The following KCNH8 variants were observed in gnomAD, a reference collection of about 807,000 sequenced individuals.
KCNH8 encodes potassium voltage-gated channel subfamily H member 8, also known as voltage-gated delayed rectifier potassium channel KCNH8.
In KCNH8, 70 loss-of-function variants were observed where a neutral mutation model predicts 103.6. That is an observed-to-expected ratio of 0.68 (90% CI 0.56 to 0.82). The LOEUF is 0.82. Among genes scored for constraint, KCNH8 ranks in the 40% least tolerant of loss-of-function variants. KCNH8 has a pLI of 0.00. For missense variants in KCNH8, 1,217 were observed against 1,329.9 expected (o/e 0.92, Z 1.32); for synonymous variants, 498 against 489.4 (o/e 1.02, Z -0.23).
At chr3:19,461,001 T>A (rs1475696279) in intron 11 of KCNH8, among the ~76,000 whole-genome samples, 2 of 152,202 alleles carry the variant, frequency 1.3e-5, no homozygotes, top group African/African-American at 4.8e-5. Context: ...TAATTAAACT[T>A]AATTCCTTTA....
intron 1 of KCNH8, among the ~76,000 whole-genome samples, chr3:19,229,262 C>T (rs1218778661): frequency 6.6e-6 from 1 of 152,174 alleles, no homozygotes; most frequent in Non-Finnish European, 1.5e-5. Flanking sequence ...TAGGTGGTGC[C>T]CCAGTAGGGA....
At chr3:19,346,530 A>T in intron 4 of KCNH8, 1 of 436,776 alleles carries the variant, frequency 2.3e-6, no homozygotes, top group Non-Finnish European at 4.6e-6. Context: ...GAAAATACCT[A>T]CCAAAGAGAA....
intron 2 of KCNH8, among the ~76,000 whole-genome samples, chr3:19,272,965 A>G (rs901645964): frequency 1.3e-5 from 2 of 152,210 alleles, no homozygotes; most frequent in Admixed American, 1.3e-4. Context: ...AGTTAACAAT[A>G]GTGCCTGCCA....
chr3:19,523,135 A>C (rs1171026383), intron 15 of KCNH8, among the ~76,000 whole-genome samples: 1 of 151,872 alleles, frequency 6.6e-6, no homozygotes, highest in African/African-American at 2.4e-5. Flanking sequence ...AGCATTTTAG[A>C]GACCAAGCTC....
chr3:19,298,258 ATTGAAGTCTGCCAGGT>A (rs373792681), intron 3 of KCNH8, among the ~76,000 whole-genome samples: 62 of 152,342 alleles, frequency 4.1e-4, no homozygotes, highest in East Asian at 2.9e-3. Flanking sequence ...ATGATCAATT[ATTGAAGTCTGCCAGGT>A]CACGGTGATG....
chr3:19,521,233 T>G (rs902266114), intron 15 of KCNH8, among the ~76,000 whole-genome samples: 6 of 151,992 alleles, frequency 3.9e-5, no homozygotes, highest in Non-Finnish European at 8.8e-5. Context: ...CTGTGTGCTC[T>G]GGCACAGCAG....
chr3:19,432,203 C>T (rs1349249366), intron 7 of KCNH8, among the ~76,000 whole-genome samples: 3 of 152,120 alleles, frequency 2.0e-5, no homozygotes. Context: ...ATGCATCCCC[C>T]TCCAATATTT....
intron 1 of KCNH8, among the ~76,000 whole-genome samples, chr3:19,200,979 C>T (rs936316413): frequency 3.3e-5 from 5 of 151,482 alleles, no homozygotes; most frequent in African/African-American, 7.3e-5. Flanking sequence ...TGCCTGTAAT[C>T]CCAGCACTTT....
chr3:19,209,445 C>T (rs754719825), intron 1 of KCNH8, among the ~76,000 whole-genome samples: 1 of 152,022 alleles, frequency 6.6e-6, no homozygotes, highest in Non-Finnish European at 1.5e-5. Context: ...TAAGAAAATA[C>T]TTGGATCATT....
chr3:19,180,677 T>G (rs1421325659), intron 1 of KCNH8, among the ~76,000 whole-genome samples: 2 of 151,918 alleles, frequency 1.3e-5, no homozygotes, highest in African/African-American at 4.8e-5. Context: ...AGTTGTATGG[T>G]TTTTTTTGTT....
intron 3 of KCNH8, among the ~76,000 whole-genome samples, chr3:19,296,760 A>G (rs931941901): frequency 1.3e-5 from 2 of 152,134 alleles, no homozygotes; most frequent in Non-Finnish European, 2.9e-5. Context: ...CGCTCAGGTG[A>G]TGGGTGCACC....
At chr3:19,465,197 C>T (rs1559339939) in intron 11 of KCNH8, among the ~76,000 whole-genome samples, 1 of 152,164 alleles carries the variant, frequency 6.6e-6, no homozygotes, top group Non-Finnish European at 1.5e-5. Context: ...AAAGGACAGA[C>T]TGATTCTCAT....
intron 5 of KCNH8, among the ~76,000 whole-genome samples, chr3:19,349,192 A>T (rs1221239027): frequency 6.6e-6 from 1 of 152,120 alleles, no homozygotes; most frequent in Admixed American, 6.6e-5. Context: ...TTTAAAATAT[A>T]GCTATCCTTT....
At position 19,419,209 on chromosome 3, in the gene KCNH8, T is replaced by G. The variant is rs1458073391; in HGVS notation, c.1178-18955T>G. 2.1e-5 allele frequency among the ~76,000 whole-genome samples: 3 copies of G among 141,372 alleles called. 1 individual carries two copies. The highest frequency in any genetic ancestry group is 4.6e-5 in the Non-Finnish European group (3 of 65,018). 92.7% of individuals were successfully genotyped at this position (141,372 alleles called of 152,430 possible). A position where few individuals can be genotyped will look rare whatever the true frequency, so the allele number is the denominator to read the frequency against. On this transcript the variant is annotated intron_variant, in intron 7 of 15. Coordinates refer to ENST00000328405, the MANE Select transcript of KCNH8 (RefSeq NM_144633.3). ...AAATGGTTTTGGTTTTTTTTTTTTT[T>G]TTTTTTTTGAGACGGAGTCTCGCTC...
At chr3:19,500,591 A>G (rs148044419) in intron 11 of KCNH8, among the ~76,000 whole-genome samples, 1 of 152,252 alleles carries the variant, frequency 6.6e-6, no homozygotes, top group East Asian at 1.9e-4. Context: ...CTCTCAGACC[A>G]TAGTGCAATC....
chr3:19,494,985 C>A (rs1260402923), intron 11 of KCNH8, among the ~76,000 whole-genome samples: 1 of 152,118 alleles, frequency 6.6e-6, no homozygotes, highest in Non-Finnish European at 1.5e-5. Flanking sequence ...TTTCTAGCCA[C>A]TTGTATGTAT....
Position 19,397,874 on chromosome 3 carries a change from A to T in KCNH8, c.1177+2563A>T, listed in dbSNP as rs569077074. Among the ~76,000 whole-genome samples the T allele has an allele frequency of 1.5e-3, 231 of 151,952 alleles. 1 individual carries two copies. Among genetic ancestry groups the T allele is most frequent in the Admixed American group, 2.1e-3 (32 of 15,210 alleles). ...TCATTTAAAACATTCCCCAGCTGAG[A>T]TTTGAACACAGATTAAATAATCATG... On this transcript the variant is annotated intron_variant, in intron 7 of 15. Transcript: ENST00000328405.
intron 3 of KCNH8, among the ~76,000 whole-genome samples, chr3:19,283,234 A>G (rs2064780587): frequency 6.6e-6 from 1 of 152,282 alleles, no homozygotes; most frequent in Admixed American, 6.5e-5. Context: ...AAGGACATCA[A>G]TTTGAACACT....
At chr3:19,393,419 G>T (rs1306025448) in intron 6 of KCNH8, among the ~76,000 whole-genome samples, 7 of 152,030 alleles carry the variant, frequency 4.6e-5, no homozygotes, top group Non-Finnish European at 1.0e-4. Context: ...GATGACTATT[G>T]TTCTCATGTA....
Sources: gnomAD v4.1 joint callset for allele counts (sites outside exome capture counted in the v4.1 genomes callset) on GRCh38, gnomAD v4.1.1 for gene constraint, MANE v1.5 for transcripts, NCBI Gene and HGNC (gene_info 2026-07-23, HGNC 2026-07-21) for gene names.